The following TRPS1 variants were observed in gnomAD, a reference collection of about 807,000 sequenced individuals.
TRPS1 encodes transcriptional repressor GATA binding 1.
TRPS1 carries 6 observed loss-of-function variants against 101.2 expected under a neutral mutation model. The ratio of observed to expected loss-of-function variants is 0.06; its 90% CI spans 0.03 to 0.12. TRPS1 has a LOEUF of 0.12. Ranked by LOEUF, TRPS1 falls within the 10% of genes least tolerant of loss-of-function variation. The pLI is 1.00. For missense variants in TRPS1, 1,363 were observed against 1,567.0 expected (o/e 0.87, Z 2.20); for synonymous variants, 578 against 589.8 (o/e 0.98, Z 0.29).
At chr8:115,526,282 C>A (rs569320728) in intron 5 of TRPS1, among the ~76,000 whole-genome samples, 5 of 151,730 alleles carry the variant, frequency 3.3e-5, no homozygotes, top group Admixed American at 2.6e-4. Flanking sequence ...TACACTCCAG[C>A]GTGGGTGACA....
chr8:115,518,569 A>T (rs1008839467), intron 5 of TRPS1, among the ~76,000 whole-genome samples: 6 of 151,842 alleles, frequency 4.0e-5, no homozygotes, highest in Non-Finnish European at 5.9e-5. Flanking sequence ...TCCTAAAGGT[A>T]TATCCAAAAT....
chr8:115,520,858 C>G (rs1815843848), intron 5 of TRPS1, among the ~76,000 whole-genome samples: 1 of 151,808 alleles, frequency 6.6e-6, no homozygotes, highest in Non-Finnish European at 1.5e-5. Context: ...TCCTTTAAAG[C>G]AGTTTTTCCA....
intron 5 of TRPS1, among the ~76,000 whole-genome samples, chr8:115,549,574 T>G (rs1563595275): frequency 6.6e-6 from 1 of 151,982 alleles, no homozygotes; most frequent in African/African-American, 2.4e-5. Flanking sequence ...AAAGGCTATC[T>G]ATATTCCTTG....
intron 5 of TRPS1, chr8:115,492,202 G>C (rs1165869421): frequency 2.2e-6 from 1 of 456,190 alleles, no homozygotes; most frequent in Non-Finnish European, 4.4e-6. Flanking sequence ...GGCAGAATCA[G>C]AGGGGTGACA....
intron 5 of TRPS1, among the ~76,000 whole-genome samples, chr8:115,464,497 A>G (rs912886281): frequency 7.2e-5 from 11 of 152,136 alleles, no homozygotes; most frequent in Admixed American, 2.6e-4. Flanking sequence ...TTGTCTCACA[A>G]GGGCACAATA....
intron 5 of TRPS1, among the ~76,000 whole-genome samples, chr8:115,529,266 G>A (rs949707370): frequency 6.6e-6 from 1 of 152,036 alleles, no homozygotes; most frequent in Non-Finnish European, 1.5e-5. Context: ...TGGAGGTCAG[G>A]TGAGCAAATA....
intron 5 of TRPS1, among the ~76,000 whole-genome samples, chr8:115,504,366 G>C (rs1815390697): frequency 6.6e-6 from 1 of 152,132 alleles, no homozygotes; most frequent in Non-Finnish European, 1.5e-5. Context: ...ATCAATTATA[G>C]AATGATACAT....
rs1277441791 is a variant in TRPS1 at position 115,449,807 on chromosome 8, A to G, written c.2701-31355T>C. ...CCTGATCAGTCCAATAATGGCATAC[A>G]TAATTAATGCTGGGTTCCCATCAGA... On this transcript the variant is annotated intron_variant, in intron 5 of 6. Coordinates refer to ENST00000395715, the MANE Select transcript of TRPS1 (RefSeq NM_014112.5). Among the ~76,000 whole-genome samples, 4 of 152,238 alleles carry G rather than the reference A, an allele frequency of 2.6e-5. No individual in the cohort carries two copies. The East Asian group carries it at 7.7e-4, about 29-fold the overall frequency.
intron 5 of TRPS1, among the ~76,000 whole-genome samples, chr8:115,518,926 T>C (rs1053758770): frequency 6.6e-6 from 1 of 151,820 alleles, no homozygotes; most frequent in Non-Finnish European, 1.5e-5. Flanking sequence ...CCTTTTACAA[T>C]TGTCAAGGTT....
intron 5 of TRPS1, among the ~76,000 whole-genome samples, chr8:115,519,140 T>C (rs1346206097): frequency 6.6e-6 from 1 of 151,668 alleles, no homozygotes; most frequent in Non-Finnish European, 1.5e-5. Context: ...TCTTATTAAC[T>C]TATAAGTAGT....
chr8:115,563,961 C>T (rs963138895), intron 5 of TRPS1, among the ~76,000 whole-genome samples: 1 of 152,090 alleles, frequency 6.6e-6, no homozygotes, highest in Non-Finnish European at 1.5e-5. Flanking sequence ...GTGCACTTTC[C>T]TATTCTTTCA....
intron 5 of TRPS1, among the ~76,000 whole-genome samples, chr8:115,504,987 T>C (rs1586342754): frequency 1.3e-5 from 2 of 152,220 alleles, no homozygotes; most frequent in East Asian, 3.9e-4. Flanking sequence ...TATATCTTCA[T>C]ATTCATATAG....
intron 6 of TRPS1, among the ~76,000 whole-genome samples, chr8:115,416,877 A>G (rs966545727): frequency 2.0e-5 from 3 of 152,158 alleles, no homozygotes; most frequent in African/African-American, 7.2e-5. Context: ...CATTATAAAC[A>G]TATGCATTAT....
rs375579799 is a variant in TRPS1 at position 115,590,147 on chromosome 8, A to C, written c.2097-2543T>G. ...AAACAAAACAACAACAACAAAAAAA[A>C]CCCACACACATTCTAGTTTAATCTA... On this transcript the variant is annotated intron_variant, in intron 4 of 6. Coordinates refer to ENST00000395715, the MANE Select transcript of TRPS1 (RefSeq NM_014112.5). Among the ~76,000 whole-genome samples, 837 of 152,234 alleles carry C rather than the reference A, an allele frequency of 5.5e-3. 3 individuals carry two copies. Among genetic ancestry groups the C allele is most frequent in the Middle Eastern group, 0.01 (3 of 292 alleles).
intron 5 of TRPS1, among the ~76,000 whole-genome samples, chr8:115,498,425 A>G (rs4027188): frequency 1.2e-5 from 1 of 80,882 alleles, no homozygotes; most frequent in Non-Finnish European, 2.1e-5. Flanking sequence ...CTATATATAT[A>G]TATATATATA....
intron 5 of TRPS1, among the ~76,000 whole-genome samples, chr8:115,450,513 A>G (rs1030222217): frequency 1.1e-3 from 161 of 147,504 alleles, no homozygotes; most frequent in African/African-American, 3.6e-3. Context: ...TAATGCGCTG[A>G]CTCTTTTTTT....
chr8:115,452,030 C>T (rs903869979), intron 5 of TRPS1, among the ~76,000 whole-genome samples: 3 of 151,972 alleles, frequency 2.0e-5, no homozygotes, highest in Non-Finnish European at 2.9e-5. Flanking sequence ...ATGTGTTTTC[C>T]CCTTCTTCTC....
At chr8:115,549,898 T>A (rs1420297780) in intron 5 of TRPS1, among the ~76,000 whole-genome samples, 1 of 152,168 alleles carries the variant, frequency 6.6e-6, no homozygotes, top group Non-Finnish European at 1.5e-5. Flanking sequence ...CTCCTTGCTC[T>A]ATTAAAGAAA....
chr8:115,592,627 A>G (rs1042744014), intron 4 of TRPS1, among the ~76,000 whole-genome samples: 1 of 152,152 alleles, frequency 6.6e-6, no homozygotes, highest in Non-Finnish European at 1.5e-5. Flanking sequence ...AAAACATATT[A>G]AAAAGACAAC....
Sources: gnomAD v4.1 joint callset for allele counts (sites outside exome capture counted in the v4.1 genomes callset) on GRCh38, gnomAD v4.1.1 for gene constraint, MANE v1.5 for transcripts, NCBI Gene and HGNC (gene_info 2026-07-23, HGNC 2026-07-21) for gene names.